The following ASAH1 variants were observed in gnomAD, a reference collection of about 807,000 sequenced individuals.
ASAH1 encodes the protein N-acylsphingosine amidohydrolase 1, also known as acid ceramidase.
Under a neutral mutation model 59.5 loss-of-function variants are expected in ASAH1, and 70 were observed. That is an observed-to-expected ratio of 1.18 (90% CI 0.97 to 1.43). The LOEUF is 1.43. Ranked by LOEUF, ASAH1 falls within the 40% of genes most tolerant of loss-of-function variation. The pLI is 0.00. For synonymous variants in ASAH1, 213 were observed against 166.5 expected, an observed-to-expected ratio of 1.28 and a Z score of -2.15; for missense variants, 660 against 482.5, an observed-to-expected ratio of 1.37 and a Z score of -3.45.
intron 5 of ASAH1, 194 bp downstream of exon 5, chr8:18,067,026 T>C (rs566989884): frequency 2.1e-6 from 1 of 468,378 alleles, no homozygotes; most frequent in East Asian, 3.1e-5. Context: ...GGCTCTTCCG[T>C]ATCTTGATCT....
intron 5 of ASAH1, 142 bp downstream of exon 5, chr8:18,067,078 T>C: frequency 9.8e-6 from 2 of 203,680 alleles, no homozygotes; most frequent in South Asian, 5.6e-5. Flanking sequence ...GAAGCTTCAC[T>C]GAGCTGTATA....
chr8:18,078,791 G>A (rs906689591), intron 1 of ASAH1, among the ~76,000 whole-genome samples: 1 of 152,042 alleles, frequency 6.6e-6, no homozygotes, highest in Non-Finnish European at 1.5e-5. Flanking sequence ...GAGATTATGT[G>A]GTCTGGATGG....
chr8:18,076,981 G>A (rs1279156195), intron 1 of ASAH1, among the ~76,000 whole-genome samples: 1 of 152,210 alleles, frequency 6.6e-6, no homozygotes, highest in Non-Finnish European at 1.5e-5. Context: ...TATCAAGTCT[G>A]TAGCAAAAGC....
At chr8:18,081,894 T>C (rs1800670821) in intron 1 of ASAH1, among the ~76,000 whole-genome samples, 1 of 152,164 alleles carries the variant, frequency 6.6e-6, no homozygotes, top group Admixed American at 6.5e-5. Context: ...ATCCCAGGAT[T>C]TTCCAGGCCA....
intron 1 of ASAH1, chr8:18,082,427 A>T (rs1261739721): frequency 6.6e-6 from 1 of 152,218 alleles, no homozygotes; most frequent in African/African-American, 2.4e-5. Context: ...ACAATCCCAC[A>T]GATACCTACG....
chr8:18,084,407 C>T (rs1174282874), upstream of ASAH1: 12 of 1,395,614 alleles, frequency 8.6e-6, no homozygotes, highest in South Asian at 1.5e-5. Flanking sequence ...GGAGCTTCAC[C>T]CGTGGCGCCT....
Position 18,078,443 on chromosome 8 carries a change from T to G in ASAH1, c.79-2856A>C, listed in dbSNP as rs532671446. On this transcript the variant is annotated intron_variant, in intron 1 of 13. Transcript: ENST00000637790. ...CCTGGCTGCAAGGAAATAGGATAAG[T>G]GTGACAGAAAATAAGAAAGTTGGCA... Among the ~76,000 whole-genome samples, 530 of 152,218 alleles carry G rather than the reference T, an allele frequency of 3.5e-3. 1 individual carries two copies. Among genetic ancestry groups the G allele is most frequent in the Middle Eastern group, 0.031 (9 of 294 alleles).
intron 1 of ASAH1, among the ~76,000 whole-genome samples, chr8:18,081,133 T>C (rs567828437): frequency 6.6e-6 from 1 of 151,916 alleles, no homozygotes; most frequent in Admixed American, 6.6e-5. Context: ...GCCCCCAAGC[T>C]TTCCCCTCCC....
In ASAH1 at chr8:18,064,490, T is replaced by C. The variant is rs17856515; in HGVS notation, c.424A>G (p.Ile142Val). The change falls in exon 6 of 14, where the codon ATT (isoleucine) becomes GTT (valine). Residue 142 changes from isoleucine (I) to valine (V), a missense_variant. Transcript: ENST00000637790. ...SFNIFYELFTICTSIVAEDKK... is the reference protein window; with the variant it reads ...SFNIFYELFTVCTSIVAEDKK... ...TCTTCTGCTACTATTGAAGTACAAA[T>C]GGTAAATAATTCATAAAAAATATTG... 5 of 1,581,214 alleles carry C rather than the reference T, an allele frequency of 3.2e-6. No homozygotes were observed. The South Asian group carries it at 4.5e-5, about 14-fold the overall frequency.
intron 4 of ASAH1, 171 bp downstream of exon 4, chr8:18,069,621 C>T: frequency 1.7e-6 from 1 of 574,684 alleles, no homozygotes; most frequent in Non-Finnish European, 3.1e-6. Context: ...TGCTGTAACC[C>T]TAATATTACC....
At chr8:18,077,380 A>G (rs1051166224) in intron 1 of ASAH1, among the ~76,000 whole-genome samples, 28 of 152,338 alleles carry the variant, frequency 1.8e-4, no homozygotes, top group African/African-American at 6.3e-4. Flanking sequence ...TACTACTGTC[A>G]ATTTTTATAG....
chr8:18,060,942 G>C (rs998969066), intron 10 of ASAH1: 4 of 173,316 alleles, frequency 2.3e-5, no homozygotes, highest in Admixed American at 5.7e-5. Flanking sequence ...TTATAGAGAC[G>C]GGGTTTCGCC....
Position 18,079,815 on chromosome 8 carries a change from C to G in ASAH1, c.78+4166G>C, listed in dbSNP as rs1247638989. Reference sequence around the variant, plus strand: ...TAATGTCCTCTTATGTACAACTCAGCAGAAACACTGAATACAAAGAGGCAT... The same window carrying G: ...TAATGTCCTCTTATGTACAACTCAGGAGAAACACTGAATACAAAGAGGCAT... On this transcript the variant is annotated intron_variant, in intron 1 of 13. Coordinates refer to ENST00000637790, the MANE Select transcript of ASAH1 (RefSeq NM_177924.5). 2.6e-5 allele frequency among the ~76,000 whole-genome samples: 4 copies of G among 152,170 alleles called. No homozygotes were observed. In the South Asian group the frequency reaches 8.3e-4, roughly 32 times the overall value.
Position 18,063,243 on chromosome 8 carries a change from A to G in ASAH1, c.458-13T>C. On this transcript the variant is annotated splice_polypyrimidine_tract_variant and intron_variant, in intron 6 of 13. Coordinates refer to ENST00000637790, the MANE Select transcript of ASAH1 (RefSeq NM_177924.5). Reference sequence around the variant, plus strand: ...TGTATTAGATGACCTATTTGAAGGTAGACAGAAGAGACGTGTAATAGCAGT... The same window carrying G: ...TGTATTAGATGACCTATTTGAAGGTGGACAGAAGAGACGTGTAATAGCAGT... The G allele has an allele frequency of 6.2e-7, 1 of 1,608,174 alleles. No homozygotes were observed. The highest frequency in any genetic ancestry group is 8.5e-7 in the Non-Finnish European group (1 of 1,174,636).
intron 5 of ASAH1, chr8:18,066,280 G>A (rs1366683960): frequency 2.0e-5 from 3 of 151,762 alleles, no homozygotes; most frequent in Non-Finnish European, 4.4e-5. Flanking sequence ...AAAAATGAAG[G>A]TCATAGACTG....
chr8:18,061,657 C>T (rs376498179), intron 9 of ASAH1, 29 bp downstream of exon 9: 1 of 1,577,534 alleles, frequency 6.3e-7, no homozygotes, highest in African/African-American at 1.4e-5. Context: ...CTCTGAGATT[C>T]CCATTTCACT....
intron 1 of ASAH1, among the ~76,000 whole-genome samples, chr8:18,077,417 T>C (rs1038470303): frequency 5.9e-5 from 9 of 152,254 alleles, no homozygotes; most frequent in Admixed American, 5.2e-4. Context: ...TTCCAGGTTA[T>C]ACTCAATCAT....
chr8:18,066,183 G>T (rs914243477), intron 5 of ASAH1: 2 of 151,756 alleles, frequency 1.3e-5, no homozygotes, highest in African/African-American at 4.8e-5. Flanking sequence ...GGATACAAAA[G>T]GCACTACTCA....
At chr8:18,078,362 T>A (rs1025232273) in intron 1 of ASAH1, among the ~76,000 whole-genome samples, 2 of 151,990 alleles carry the variant, frequency 1.3e-5, no homozygotes, top group South Asian at 4.2e-4. Flanking sequence ...GTGGAGTGAG[T>A]CTGAGGTTGA....
Sources: gnomAD v4.1 joint callset for allele counts (sites outside exome capture counted in the v4.1 genomes callset) on GRCh38, gnomAD v4.1.1 for gene constraint, MANE v1.5 for transcripts, NCBI Gene and HGNC (gene_info 2026-07-23, HGNC 2026-07-21) for gene names.